The following FARP1 variants were observed in gnomAD, a reference collection of about 807,000 sequenced individuals.
FARP1 encodes FERM, ARHGEF and pleckstrin domain-containing protein 1.
FARP1 carries 52 observed loss-of-function variants against 128.8 expected under a neutral mutation model. The observed-to-expected ratio is 0.40, with a 90% CI of 0.32 to 0.51. The LOEUF is 0.51. FARP1 is among the 20% of genes least tolerant of loss of function. The pLI is 0.45. For missense variants in FARP1, 1,333 were observed against 1,367.9 expected (o/e 0.97, Z 0.40); for synonymous variants, 580 against 551.8 (o/e 1.05, Z -0.72).
intron 1 of FARP1, among the ~76,000 whole-genome samples, chr13:98,200,107 G>T (rs1417737407): frequency 6.6e-6 from 1 of 152,220 alleles, no homozygotes; most frequent in Non-Finnish European, 1.5e-5. Flanking sequence ...TTAGAACAAG[G>T]TTGGAGTAGA....
At chr13:98,307,441 G>A (rs943236983) in intron 2 of FARP1, among the ~76,000 whole-genome samples, 1 of 152,032 alleles carries the variant, frequency 6.6e-6, no homozygotes, top group African/African-American at 2.4e-5. Flanking sequence ...CTTGACCTCT[G>A]ACTTGCCCAT....
Position 98,440,119 on chromosome 13 carries a change from C to G in FARP1, c.2517-4C>G, listed in dbSNP as rs371289676. ...CTGAACACCTGACGCGTCTCTGTCT[C>G]CAGTTCTCGGTCCGAGATGGAGAAG... On this transcript the variant is annotated splice_polypyrimidine_tract_variant and splice_region_variant and intron_variant, in intron 22 of 26. Coordinates refer to ENST00000319562, the MANE Select transcript of FARP1 (RefSeq NM_005766.4). 23 of 1,613,078 alleles carry G rather than the reference C, an allele frequency of 1.4e-5. No individual in the cohort carries two copies. The African/African-American group carries it at 1.6e-4, about 11-fold the overall frequency.
At chr13:98,281,289 G>T (rs1287015493) in intron 2 of FARP1, among the ~76,000 whole-genome samples, 3 of 152,076 alleles carry the variant, frequency 2.0e-5, no homozygotes, top group Non-Finnish European at 4.4e-5. Flanking sequence ...GGAGGCGGAG[G>T]TTGCAGTGAG....
At chr13:98,263,398 T>A (rs1883967508) in intron 2 of FARP1, among the ~76,000 whole-genome samples, 1 of 152,230 alleles carries the variant, frequency 6.6e-6, no homozygotes, top group African/African-American at 2.4e-5. Context: ...ATAATTGTAT[T>A]CATAATGTTT....
chr13:98,346,339 A>C (rs1888177757), intron 3 of FARP1, among the ~76,000 whole-genome samples: 1 of 151,308 alleles, frequency 6.6e-6, no homozygotes. Flanking sequence ...ACAGGTGCCC[A>C]CCATCACGCC....
intron 2 of FARP1, among the ~76,000 whole-genome samples, chr13:98,219,161 T>A (rs561631672): frequency 1.3e-5 from 2 of 152,326 alleles, no homozygotes; most frequent in African/African-American, 4.8e-5. Context: ...TGGTGACAGA[T>A]TCTAGAGCTG....
intron 6 of FARP1, among the ~76,000 whole-genome samples, chr13:98,379,114 CTATA>C (rs1375248681): frequency 7.8e-5 from 4 of 51,360 alleles, no homozygotes; most frequent in Non-Finnish European, 9.7e-5. Context: ...AATATATAAT[CTATA>C]TATAATATAT....
intron 2 of FARP1, among the ~76,000 whole-genome samples, chr13:98,295,046 T>TACACACACACACACAC (rs746373395): frequency 9.2e-6 from 1 of 108,368 alleles, no homozygotes; most frequent in Non-Finnish European, 1.8e-5. Context: ...ATATATATAT[T>TACACACACACACACAC]ACACACACAC....
chr13:98,249,535 T>C (rs1301160075), intron 2 of FARP1, among the ~76,000 whole-genome samples: 1 of 152,220 alleles, frequency 6.6e-6, no homozygotes, highest in African/African-American at 2.4e-5. Flanking sequence ...GTTTTACTTT[T>C]TCCTTGTGGC....
chr13:98,244,501 C>T, intron 2 of FARP1: 1 of 1,614,142 alleles, frequency 6.2e-7, no homozygotes, highest in South Asian at 1.1e-5. Flanking sequence ...ATGGTGTCCT[C>T]ATCCTCCTTC....
rs571650245 is a variant in FARP1, at chr13:98,434,889, G to A, written c.2144-687G>A. 19 of 152,300 alleles carry A rather than the reference G, an allele frequency of 1.2e-4. 1 individual carries two copies. Among genetic ancestry groups the A allele is most frequent in the Non-Finnish European group, 2.3e-4 (16 of 68,104 alleles). 9.4% of individuals were successfully genotyped at this position (152,300 alleles called of 1,614,324 possible). On this transcript the variant is annotated intron_variant, in intron 18 of 26. Coordinates refer to ENST00000319562, the MANE Select transcript of FARP1 (RefSeq NM_005766.4). ...CGCACCTGTAATCCCAGCTACTCGG[G>A]AGGCTGAGGCAGGACAATCACTTGA...
At chr13:98,411,775 C>T (rs1349920287) in intron 15 of FARP1, 126 bp from the exon 16 acceptor site, 4 of 1,020,282 alleles carry the variant, frequency 3.9e-6, no homozygotes, top group Non-Finnish European at 5.8e-6. Flanking sequence ...TCCTGAAATG[C>T]CAAGAACCTC....
chr13:98,354,959 AT>A (rs1888581510), intron 3 of FARP1, among the ~76,000 whole-genome samples: 1 of 152,228 alleles, frequency 6.6e-6, no homozygotes, highest in South Asian at 2.1e-4. Context: ...AGAAAGCAAA[AT>A]ATCTCATTAA....
At chr13:98,225,073 A>G (rs965238356) in intron 2 of FARP1, among the ~76,000 whole-genome samples, 2 of 152,222 alleles carry the variant, frequency 1.3e-5, no homozygotes, top group African/African-American at 4.8e-5. Flanking sequence ...AATGATGAAG[A>G]AAGAGACTGC....
intron 24 of FARP1, among the ~76,000 whole-genome samples, chr13:98,441,208 G>A (rs1892509621): frequency 1.3e-5 from 2 of 152,200 alleles, no homozygotes; most frequent in African/African-American, 4.8e-5. Flanking sequence ...GTCATGTCCT[G>A]AACCGCCCCA....
chr13:98,255,816 T>G (rs2139511820), intron 2 of FARP1, among the ~76,000 whole-genome samples: 1 of 152,344 alleles, frequency 6.6e-6, no homozygotes, highest in Middle Eastern at 3.4e-3. Context: ...TTTCTTGTAC[T>G]GTATGTCAGG....
intron 17 of FARP1, among the ~76,000 whole-genome samples, chr13:98,426,445 G>A (rs1167249521): frequency 2.6e-5 from 4 of 152,168 alleles, no homozygotes; most frequent in Non-Finnish European, 5.9e-5. Flanking sequence ...AGCCATGATC[G>A]CGCCACTGCA....
intron 12 of FARP1, among the ~76,000 whole-genome samples, chr13:98,394,018 C>A (rs996096012): frequency 6.6e-6 from 1 of 152,214 alleles, no homozygotes; most frequent in Non-Finnish European, 1.5e-5. Flanking sequence ...GTGGGCAGAG[C>A]TGAGACTGAC....
chr13:98,438,325 G>T (rs1892373309), intron 19 of FARP1, among the ~76,000 whole-genome samples: 1 of 152,120 alleles, frequency 6.6e-6, no homozygotes, highest in Admixed American at 6.5e-5. Context: ...CGGTCCTCAA[G>T]GGTCCCTTGC....
Sources: gnomAD v4.1 joint callset for allele counts (sites outside exome capture counted in the v4.1 genomes callset) on GRCh38, gnomAD v4.1.1 for gene constraint, MANE v1.5 for transcripts, NCBI Gene and HGNC (gene_info 2026-07-23, HGNC 2026-07-21) for gene names.